Variants in RCL1 observed in about 807,000 individuals in gnomAD.
The protein encoded by RCL1 is RNA 3'-terminal phosphate cyclase-like protein.
RCL1 carries 24 observed loss-of-function variants against 42.4 expected under a neutral mutation model. The observed-to-expected ratio is 0.57, with a 90% CI of 0.41 to 0.80. The LOEUF (loss-of-function observed/expected upper bound fraction) is 0.80. Among genes scored for constraint, RCL1 ranks in the 30% least tolerant of loss-of-function variants. The probability of loss-of-function intolerance (pLI) is 0.00; values close to 1 mark genes in which losing one functional copy is unlikely to be tolerated. For synonymous variants in RCL1, 228 were observed against 177.3 expected (o/e 1.29, Z -2.27); for missense variants, 578 against 467.9 (o/e 1.24, Z -2.17).
intron 3 of RCL1, among the ~76,000 whole-genome samples, chr9:4,832,603 A>T (rs796165015): frequency 5.3e-5 from 8 of 152,016 alleles, no homozygotes; most frequent in African/African-American, 1.9e-4. Flanking sequence ...AGTTCAAGAG[A>T]TTGAGACCAT....
At chr9:4,853,152 A>G (rs887651056) in intron 8 of RCL1, among the ~76,000 whole-genome samples, 3 of 151,970 alleles carry the variant, frequency 2.0e-5, no homozygotes, top group Non-Finnish European at 4.4e-5. Context: ...TCTGGTTTTC[A>G]TCATAACTTC....
chr9:4,859,961 C>T (rs1432285862), intron 8 of RCL1, among the ~76,000 whole-genome samples, 164 bp from the exon 9 acceptor site: 2 of 152,064 alleles, frequency 1.3e-5, no homozygotes, highest in Non-Finnish European at 1.5e-5. Flanking sequence ...TCTTTGGAAA[C>T]TGGCTGGCTG....
intron 1 of RCL1, among the ~76,000 whole-genome samples, chr9:4,819,457 A>G (rs751450487): frequency 1.3e-4 from 20 of 152,196 alleles, no homozygotes; most frequent in Non-Finnish European, 2.5e-4. Context: ...ATATATGTAC[A>G]TATATGTACA....
intron 1 of RCL1, among the ~76,000 whole-genome samples, chr9:4,812,464 A>G (rs1403440482): frequency 2.0e-5 from 3 of 152,086 alleles, no homozygotes; most frequent in African/African-American, 4.8e-5. Context: ...AGGTTTCACT[A>G]TATTGTGCAG....
intron 1 of RCL1, among the ~76,000 whole-genome samples, chr9:4,795,365 G>A (rs757287958): frequency 6.6e-6 from 1 of 152,198 alleles, no homozygotes; most frequent in Non-Finnish European, 1.5e-5. Flanking sequence ...TTACAGGTGT[G>A]AGCCGCTGCG....
chr9:4,822,699 T>C (rs1015969094), intron 1 of RCL1, among the ~76,000 whole-genome samples: 1 of 152,112 alleles, frequency 6.6e-6, no homozygotes, highest in Middle Eastern at 3.2e-3. Context: ...TGCACGTCTG[T>C]GGTCCCAGCT....
chr9:4,826,372 A>G (rs891743182), intron 2 of RCL1, among the ~76,000 whole-genome samples: 9 of 152,234 alleles, frequency 5.9e-5, no homozygotes, highest in Admixed American at 1.3e-4. Context: ...AAGACCTACT[A>G]TTAATGGCAC....
At chr9:4,837,341 G>C (rs1817173764) in intron 5 of RCL1, among the ~76,000 whole-genome samples, 1 of 151,828 alleles carries the variant, frequency 6.6e-6, no homozygotes, top group Non-Finnish European at 1.5e-5. Context: ...TTTTGGCAAT[G>C]GTGAAAAAAA....
chr9:4,835,056 C>T (rs1277174746), intron 5 of RCL1, among the ~76,000 whole-genome samples: 1 of 152,110 alleles, frequency 6.6e-6, no homozygotes, highest in Non-Finnish European at 1.5e-5. Context: ...GAAAAGTGGG[C>T]CTGAGCAGAG....
chr9:4,795,468 C>T (rs1051418029), intron 1 of RCL1, among the ~76,000 whole-genome samples: 1 of 152,146 alleles, frequency 6.6e-6, no homozygotes, highest in Non-Finnish European at 1.5e-5. Flanking sequence ...TATACACATA[C>T]ATGTAAGTGT....
chr9:4,843,333 A>G (rs1021769362), intron 6 of RCL1, among the ~76,000 whole-genome samples: 2 of 152,116 alleles, frequency 1.3e-5, no homozygotes, highest in African/African-American at 2.4e-5. Context: ...TTTGGCCAGA[A>G]TGCACATCAG....
chr9:4,844,974 A>G (rs1817463458), intron 7 of RCL1, among the ~76,000 whole-genome samples: 1 of 152,204 alleles, frequency 6.6e-6, no homozygotes, highest in Non-Finnish European at 1.5e-5. Flanking sequence ...GGAAGCAGGT[A>G]AGGTAAGGTG....
chr9:4,814,256 A>C (rs952702085), intron 1 of RCL1, among the ~76,000 whole-genome samples: 4 of 118,120 alleles, frequency 3.4e-5, no homozygotes, highest in African/African-American at 1.2e-4. Context: ...CTAACGTAAG[A>C]GTTTTTATCA....
rs1443974145 is a variant in RCL1, at chr9:4,841,284, A to G, written c.637A>G (p.Arg213Gly). 1.2e-6 allele frequency: 2 copies of G among 1,613,026 alleles called. No individual in the cohort carries two copies. The highest frequency in any genetic ancestry group is 1.7e-6 in the Non-Finnish European group (2 of 1,178,982). ...QMANRIVDSA[R>G]SILNKFIPDI... ...GGCGAACCGGATTGTGGATTCTGCA[A>G]GGAGCATCCTCAACAAGTTCATACC... The change falls in exon 6 of 9, where the codon AGG (arginine) becomes GGG (glycine). Residue 213 changes from arginine to glycine, a missense_variant. By Grantham distance (125) the Arg-to-Gly change is moderately radical. Transcript: ENST00000381750.
chr9:4,843,295 A>G (rs1377103989), intron 6 of RCL1, among the ~76,000 whole-genome samples: 1 of 152,016 alleles, frequency 6.6e-6, no homozygotes, highest in African/African-American at 2.4e-5. Flanking sequence ...CTTAGGGGAC[A>G]GCACTTCTTG....
intron 1 of RCL1, among the ~76,000 whole-genome samples, chr9:4,795,937 T>C (rs1253356218): frequency 6.6e-6 from 1 of 152,090 alleles, no homozygotes; most frequent in Non-Finnish European, 1.5e-5. Flanking sequence ...GTAGGAAGGA[T>C]TGAGTATTGT....
intron 8 of RCL1, among the ~76,000 whole-genome samples, chr9:4,853,510 A>G (rs539537188): frequency 3.8e-4 from 57 of 151,902 alleles, no homozygotes; most frequent in African/African-American, 1.4e-3. Flanking sequence ...TTTAGTAGAG[A>G]CGGGGTTTCA....
intron 7 of RCL1, among the ~76,000 whole-genome samples, chr9:4,847,822 G>A (rs1358374901): frequency 6.6e-6 from 1 of 152,178 alleles, no homozygotes; most frequent in Admixed American, 6.5e-5. Flanking sequence ...CTGGTCACCT[G>A]GCCATTCCTT....
intron 1 of RCL1, among the ~76,000 whole-genome samples, chr9:4,801,550 C>T (rs914344999): frequency 1.3e-5 from 2 of 152,126 alleles, no homozygotes; most frequent in Non-Finnish European, 2.9e-5. Flanking sequence ...TTAATATTTT[C>T]TCCCACTGTG....
Sources: gnomAD v4.1 joint callset for allele counts (sites outside exome capture counted in the v4.1 genomes callset) on GRCh38, gnomAD v4.1.1 for gene constraint, MANE v1.5 for transcripts, NCBI Gene and HGNC (gene_info 2026-07-23, HGNC 2026-07-21) for gene names.